Variants in IPCEF1 observed in about 807,000 individuals in gnomAD.
IPCEF1 encodes the protein interactor protein for cytohesin exchange factors 1.
A neutral mutation model predicts 50.9 loss-of-function variants in IPCEF1; 31 were observed. The observed-to-expected ratio is 0.61, with a 90% CI of 0.46 to 0.82. The LOEUF is 0.82. Among genes scored for constraint, IPCEF1 ranks in the 40% least tolerant of loss-of-function variants. The pLI, the probability that IPCEF1 is intolerant of heterozygous loss-of-function variation, is 0.00. For synonymous variants in IPCEF1, 181 were observed against 192.0 expected (o/e 0.94, Z 0.47); for missense variants, 458 against 514.0 (o/e 0.89, Z 1.05).
intron 5 of IPCEF1, among the ~76,000 whole-genome samples, chr6:154,240,601 G>A (rs995604183): frequency 1.3e-5 from 2 of 151,798 alleles, no homozygotes; most frequent in African/African-American, 2.4e-5. Flanking sequence ...TGACTTTCAA[G>A]TAACATTTTC....
At chr6:154,209,928 T>G (rs769964657) in intron 9 of IPCEF1, among the ~76,000 whole-genome samples, 5 of 152,172 alleles carry the variant, frequency 3.3e-5, no homozygotes, top group Admixed American at 6.5e-5. Context: ...TTAGAACTTC[T>G]AAAAAATAAC....
chr6:154,164,842 C>T (rs1799301756), intron 11 of IPCEF1, among the ~76,000 whole-genome samples: 1 of 152,126 alleles, frequency 6.6e-6, no homozygotes, highest in African/African-American at 2.4e-5. Context: ...GAATGATGAG[C>T]TGTTAGAAAT....
chr6:154,307,016 A>G (rs1266583274), intron 1 of IPCEF1, among the ~76,000 whole-genome samples: 1 of 152,190 alleles, frequency 6.6e-6, no homozygotes, highest in Non-Finnish European at 1.5e-5. Context: ...ATCCGCTCAC[A>G]GTTCTGAGGC....
At chr6:154,272,395 T>C (rs1240784823) in intron 2 of IPCEF1, among the ~76,000 whole-genome samples, 1 of 152,256 alleles carries the variant, frequency 6.6e-6, no homozygotes, top group Non-Finnish European at 1.5e-5. Context: ...AACTAACCAA[T>C]GACATTTTTG....
chr6:154,273,724 C>CTTTTTTTTTTTT (rs71021036), intron 2 of IPCEF1, among the ~76,000 whole-genome samples: 5 of 63,324 alleles, frequency 7.9e-5, no homozygotes, highest in Admixed American at 2.3e-4. Context: ...TTCTTTCTTT[C>CTTTTTTTTTTTT]TTTTTTTTTT....
At chr6:154,320,507 T>A (rs1261590218) in intron 1 of IPCEF1, among the ~76,000 whole-genome samples, 1 of 152,190 alleles carries the variant, frequency 6.6e-6, no homozygotes, top group Non-Finnish European at 1.5e-5. Flanking sequence ...ATCTGAGAAT[T>A]TAAATAAACC....
chr6:154,347,064 G>A (rs1045039967), intron 1 of IPCEF1, among the ~76,000 whole-genome samples: 6 of 152,128 alleles, frequency 3.9e-5, no homozygotes, highest in African/African-American at 1.4e-4. Context: ...TCAAGGCTCA[G>A]GCAAATCTGG....
intron 2 of IPCEF1, among the ~76,000 whole-genome samples, chr6:154,269,680 T>TGAAATCTAAATG (rs1392903832): frequency 3.9e-5 from 6 of 152,084 alleles, no homozygotes; most frequent in African/African-American, 1.4e-4. Context: ...AAATCTAAAT[T>TGAAATCTAAATG]CCACTAAAAT....
intron 3 of IPCEF1, among the ~76,000 whole-genome samples, chr6:154,265,677 T>C (rs2128655066): frequency 6.6e-6 from 1 of 152,320 alleles, no homozygotes; most frequent in South Asian, 2.1e-4. Flanking sequence ...ATAATTGATG[T>C]ACAGTATATT....
At chr6:154,187,561 C>T (rs1325623959) in intron 10 of IPCEF1, among the ~76,000 whole-genome samples, 1 of 152,188 alleles carries the variant, frequency 6.6e-6, no homozygotes, top group African/African-American at 2.4e-5. Flanking sequence ...CCTGTACTAC[C>T]TCACCAGTAG....
At chr6:154,252,244 A>G (rs1342111792) in intron 3 of IPCEF1, among the ~76,000 whole-genome samples, 2 of 152,226 alleles carry the variant, frequency 1.3e-5, no homozygotes. Context: ...ATAGAAGCCC[A>G]GCAAGGGGAC....
intron 2 of IPCEF1, among the ~76,000 whole-genome samples, chr6:154,275,298 G>T (rs1782028219): frequency 6.6e-6 from 1 of 152,180 alleles, no homozygotes; most frequent in African/African-American, 2.4e-5. Flanking sequence ...AAGGGCACCA[G>T]CTCCCTAATG....
intron 4 of IPCEF1, 56 bp from the exon 5 acceptor site, chr6:154,246,816 G>A (rs368831452): frequency 2.6e-6 from 4 of 1,544,596 alleles, no homozygotes; most frequent in Admixed American, 1.9e-5. Context: ...GGTAGGTAAA[G>A]TATTATCCTG....
chr6:154,281,516 CTAAA>C (rs1782210725), intron 2 of IPCEF1, among the ~76,000 whole-genome samples: 2 of 151,982 alleles, frequency 1.3e-5, no homozygotes, highest in South Asian at 2.1e-4. Context: ...AAGCTTGTCT[CTAAA>C]TAAATAAATA....
intron 8 of IPCEF1, among the ~76,000 whole-genome samples, chr6:154,213,610 T>G (rs1778142978): frequency 1.3e-5 from 2 of 152,162 alleles, no homozygotes; most frequent in South Asian, 4.1e-4. Context: ...TCCAAGGCCT[T>G]TTGTGGTCTG....
At chr6:154,333,456 C>T (rs376412606) in intron 1 of IPCEF1, among the ~76,000 whole-genome samples, 20 of 151,860 alleles carry the variant, frequency 1.3e-4, no homozygotes, top group Admixed American at 4.6e-4. Context: ...CTTCAGTTTT[C>T]GGACTCAAAC....
intron 1 of IPCEF1, among the ~76,000 whole-genome samples, chr6:154,294,627 C>G (rs562619536): frequency 2.0e-5 from 3 of 152,180 alleles, no homozygotes; most frequent in Non-Finnish European, 4.4e-5. Flanking sequence ...GGGGTGGTAA[C>G]TGGGAATTCA....
intron 9 of IPCEF1, among the ~76,000 whole-genome samples, chr6:154,207,659 T>C (rs1051435064): frequency 1.3e-4 from 20 of 152,204 alleles, no homozygotes; most frequent in African/African-American, 4.8e-4. Context: ...CACCTTGGCC[T>C]GGTGGAAACT....
chr6:154,275,470 C>T (rs1283538867), intron 2 of IPCEF1, among the ~76,000 whole-genome samples: 4 of 152,134 alleles, frequency 2.6e-5, no homozygotes, highest in Admixed American at 2.6e-4. Context: ...TCACTCCAGC[C>T]GGTGGGGCAA....
Sources: allele counts gnomAD v4.1 joint callset (sites outside exome capture counted in the v4.1 genomes callset), GRCh38; gene constraint gnomAD v4.1.1; transcripts MANE v1.5; gene names NCBI Gene and HGNC (gene_info 2026-07-23, HGNC 2026-07-21).